The following GGT7 variants were observed in gnomAD, a reference collection of about 807,000 sequenced individuals.
GGT7 encodes gamma-glutamyltransferase 7, also known as glutathione hydrolase 7.
Under a neutral mutation model 69.2 loss-of-function variants are expected in GGT7, and 30 were observed. The observed-to-expected ratio is 0.43, with a 90% CI of 0.32 to 0.59. GGT7 has a LOEUF of 0.59. Ranked by LOEUF, GGT7 falls within the 20% of genes least tolerant of loss-of-function variation. The pLI, the probability that GGT7 is intolerant of heterozygous loss-of-function variation, is 0.05. For missense variants in GGT7, 733 were observed against 901.1 expected (o/e 0.81, Z 2.39); for synonymous variants, 388 against 391.8 (o/e 0.99, Z 0.12).
intron 1 of GGT7, 53 bp downstream of exon 1, chr20:34,872,590 AGAAG>A: frequency 8.1e-7 from 1 of 1,229,660 alleles, no homozygotes; most frequent in Non-Finnish European, 1.1e-6. Context: ...TTGACACAGA[AGAAG>A]GAAGACCGGG....
Position 34,863,259 on chromosome 20 carries a change from T to A in GGT7, c.405+54A>T. 7.7e-7 allele frequency: 1 copy of A among 1,293,936 alleles called. No homozygotes were observed. The highest frequency in any genetic ancestry group is 1.1e-6 in the Non-Finnish European group (1 of 916,934). 80.2% of individuals were successfully genotyped at this position (1,293,936 alleles called of 1,614,324 possible). On this transcript the variant is annotated intron_variant, in intron 2 of 14. Coordinates refer to ENST00000336431, the MANE Select transcript of GGT7 (RefSeq NM_178026.3). The surrounding 1 kb of genome is among the most constrained non-coding windows in gnomAD (Gnocchi z 4.4). Reference sequence around the variant, plus strand: ...CCCAGTTTCCACAGTTCCTCAAACATTACCCCACTCCCCACTCCCCAGTTT... The same window carrying A: ...CCCAGTTTCCACAGTTCCTCAAACAATACCCCACTCCCCACTCCCCAGTTT...
rs565836736 is a variant in GGT7, at chr20:34,851,279, G to A, written c.1677C>T (p.Leu559=). 1.5e-5 allele frequency: 24 copies of A among 1,613,946 alleles called. No individual in the cohort carries two copies. Among genetic ancestry groups the A allele is most frequent in the Middle Eastern group, 1.6e-4 (1 of 6,062 alleles). The change falls in exon 13 of 15, where the codon CTC becomes CTT. Residue 559 remains leucine (L), a synonymous_variant. Coordinates refer to ENST00000336431, the MANE Select transcript of GGT7 (RefSeq NM_178026.3). Reference sequence around the variant, plus strand: ...GCGCAGCTCCATTGGCCCCCAGAGCGAGGTAGGTTCCACAGAGCCCCTCCG... The same window carrying A: ...GCGCAGCTCCATTGGCCCCCAGAGCAAGGTAGGTTCCACAGAGCCCCTCCG... The part of the protein sequence containing the change: ...RPAEGLCGTY[L]ALGANGAARG...
rs147428548 is a variant in GGT7 at position 34,847,297 on chromosome 20, A to G, written c.1826-1806T>C. On this transcript the variant is annotated intron_variant, in intron 14 of 14. Transcript: ENST00000336431. ...CTGGGCCATATCCCAGCTGCTTCTC[A>G]TATTTCCCTGACTTAAATTCTCCTC... Among the ~76,000 whole-genome samples, 4 of 152,226 alleles carry G rather than the reference A, an allele frequency of 2.6e-5. No individual in the cohort carries two copies. In the East Asian group the frequency reaches 5.8e-4, roughly 22 times the overall value.
chr20:34,845,975 G>A (rs1157094206), intron 14 of GGT7, among the ~76,000 whole-genome samples: 9 of 152,072 alleles, frequency 5.9e-5, no homozygotes, highest in Non-Finnish European at 7.4e-5. Flanking sequence ...TAGGAGGATC[G>A]CTTGACCCTG....
chr20:34,864,844 T>C lies in GGT7; in HGVS notation c.170-1296A>G. 1.3e-5 allele frequency among the ~76,000 whole-genome samples: 2 copies of C among 152,074 alleles called. 1 individual carries two copies. Among genetic ancestry groups the C allele is most frequent in the Non-Finnish European group, 2.9e-5 (2 of 68,004 alleles). On this transcript the variant is annotated intron_variant, in intron 1 of 14. Transcript: ENST00000336431. ...AGGCTATTTTTGTTTGTTTTTGAGATGGAGTTTCGCTCTTGTTGCCCAGGC... is the reference window on the plus strand; with the variant it reads ...AGGCTATTTTTGTTTGTTTTTGAGACGGAGTTTCGCTCTTGTTGCCCAGGC...
At chr20:34,864,887 A>C (rs1053283729) in intron 1 of GGT7, among the ~76,000 whole-genome samples, 3 of 151,714 alleles carry the variant, frequency 2.0e-5, no homozygotes, top group African/African-American at 7.3e-5. Context: ...CAATGGCACA[A>C]TCCTGGCTCA....
At chr20:34,860,087 TGAG>T in intron 5 of GGT7, 45 bp from the exon 6 acceptor site, 1 of 358,554 alleles carries the variant, frequency 2.8e-6, no homozygotes, top group South Asian at 2.3e-5. Context: ...CCTGGGGGAA[TGAG>T]GAGGGGTCCG....
chr20:34,863,103 C>A lies in GGT7; in HGVS notation c.406-138G>T, dbSNP rs757100590. ...GTTGCCTTGACTCTGCCCTCATTAC[C>A]CCAAGTGCCTCCTAATGGATCTGTC... On this transcript the variant is annotated intron_variant, in intron 2 of 14. Transcript: ENST00000336431. The surrounding 1 kb of genome is among the most constrained non-coding windows in gnomAD (Gnocchi z 4.4). 42 of 861,906 alleles carry A rather than the reference C, an allele frequency of 4.9e-5. No homozygotes were observed. Among genetic ancestry groups the A allele is most frequent in the Non-Finnish European group, 6.7e-5 (37 of 553,008 alleles). The allele number at this position is 861,906 out of a possible 1,614,324, so 53.4% of individuals were successfully genotyped here. A position where few individuals can be genotyped will look rare whatever the true frequency, so the allele number is the denominator to read the frequency against.
At chr20:34,867,115 A>G (rs2079703826) in intron 1 of GGT7, among the ~76,000 whole-genome samples, 1 of 151,388 alleles carries the variant, frequency 6.6e-6, no homozygotes, top group Non-Finnish European at 1.5e-5. Flanking sequence ...AATAGAGACA[A>G]GGTCTTGCTA....
At chr20:34,854,657 C>A in intron 9 of GGT7, 38 bp from the exon 10 acceptor site, 1 of 1,577,468 alleles carries the variant, frequency 6.3e-7, no homozygotes, top group South Asian at 1.1e-5. Context: ...GGCTGCCAGG[C>A]CCCTCCCAGA....
intron 13 of GGT7, 60 bp from the exon 14 acceptor site, chr20:34,850,120 C>G: frequency 8.8e-7 from 1 of 1,139,416 alleles, no homozygotes; most frequent in Non-Finnish European, 1.3e-6. Context: ...TCCAGGATTC[C>G]TCAGCTCTCA....
chr20:34,860,637 CTTTTTTTT>C (rs533561120), intron 4 of GGT7, among the ~76,000 whole-genome samples: 12,566 of 114,038 alleles, frequency 0.11, 1,413 homozygotes, highest in African/African-American at 0.31. Context: ...CAACCCCTGC[CTTTTTTTT>C]TTTTTTTTTT....
chr20:34,857,550 T>A (rs2079514080), intron 7 of GGT7, among the ~76,000 whole-genome samples: 1 of 152,094 alleles, frequency 6.6e-6, no homozygotes, highest in East Asian at 1.9e-4. Flanking sequence ...CTGAATCCTT[T>A]CCTTTTTTGT....
intron 1 of GGT7, among the ~76,000 whole-genome samples, chr20:34,866,407 A>T (rs530838452): frequency 9.2e-5 from 14 of 152,290 alleles, no homozygotes; most frequent in African/African-American, 3.4e-4. Context: ...CAATATGAAT[A>T]GCCACTGCAC....
At chr20:34,849,334 A>G (rs2079351462) in intron 14 of GGT7, among the ~76,000 whole-genome samples, 1 of 147,212 alleles carries the variant, frequency 6.8e-6, no homozygotes, top group South Asian at 2.2e-4. Flanking sequence ...TAATTTAAAA[A>G]AATTTTTTTA....
intron 1 of GGT7, among the ~76,000 whole-genome samples, chr20:34,864,800 T>C (rs904778654): frequency 6.6e-6 from 1 of 151,682 alleles, no homozygotes; most frequent in Non-Finnish European, 1.5e-5. Context: ...CTAAGGACTA[T>C]GGGAGGTCAC....
intron 13 of GGT7, chr20:34,850,999 C>T (rs2079380565): frequency 7.4e-6 from 5 of 673,300 alleles, no homozygotes; most frequent in Non-Finnish European, 1.3e-5. Flanking sequence ...TCTACTGACC[C>T]TGCCATTTCC....
At chr20:34,848,972 C>T (rs1462293358) in intron 14 of GGT7, among the ~76,000 whole-genome samples, 1 of 152,002 alleles carries the variant, frequency 6.6e-6, no homozygotes, top group Non-Finnish European at 1.5e-5. Context: ...GAGGAAAGTC[C>T]GTCTCCTCAC....
intron 10 of GGT7, among the ~76,000 whole-genome samples, chr20:34,854,303 T>C (rs1568932536): frequency 6.6e-6 from 1 of 152,188 alleles, no homozygotes; most frequent in East Asian, 1.9e-4. Flanking sequence ...ATAGGTGCTA[T>C]GCTAGCCTCA....
Sources: gnomAD v4.1 joint callset for allele counts (sites outside exome capture counted in the v4.1 genomes callset) on GRCh38, gnomAD v4.1.1 for gene constraint, Gnocchi (gnomAD v3.1) non-coding constraint, MANE v1.5 for transcripts, NCBI Gene and HGNC (gene_info 2026-07-23, HGNC 2026-07-21) for gene names.